The following DENND6A variants were observed in gnomAD, a reference collection of about 807,000 sequenced individuals.
DENND6A encodes protein DENND6A.
Under a neutral mutation model 95.5 loss-of-function variants are expected in DENND6A, and 43 were observed. The observed-to-expected ratio is 0.45, with a 90% CI of 0.35 to 0.58. The LOEUF (loss-of-function observed/expected upper bound fraction) is 0.58. Among genes scored for constraint, DENND6A ranks in the 20% least tolerant of loss-of-function variants. The pLI is 0.00. For missense variants in DENND6A, 574 were observed against 736.0 expected, an observed-to-expected ratio of 0.78 and a Z score of 2.55; for synonymous variants, 257 against 260.4, an observed-to-expected ratio of 0.99 and a Z score of 0.13.
chr3:57,640,903 C>T (rs1416046412), intron 12 of DENND6A, among the ~76,000 whole-genome samples: 1 of 151,944 alleles, frequency 6.6e-6, no homozygotes, highest in Non-Finnish European at 1.5e-5. Flanking sequence ...AATTCATATA[C>T]TTAAACATCT....
In DENND6A at chr3:57,692,993, A is replaced by C; in HGVS notation, c.26T>G (p.Leu9Trp). The stretch of plus-strand genomic sequence containing the variant: ...CAACGGCCTTCGAGAGCCGGGCCCC[A>C]AGCCCGCAGGGCCCCTCAAAGCCAT... The part of the protein sequence containing the change: MALRGPAG[L>W]GPGSRRPLDE... The change falls in exon 1 of 20, where the codon TTG becomes TGG. Residue 9 changes from leucine to tryptophan, a missense_variant. Physicochemically the swap from Leu to Trp is moderately conservative, Grantham distance 61 (BLOSUM62 -2). Coordinates refer to ENST00000311128, the MANE Select transcript of DENND6A (RefSeq NM_152678.3). The C allele has an allele frequency of 4.6e-6, 7 of 1,512,504 alleles. No homozygotes were observed. Among genetic ancestry groups the C allele is most frequent in the Non-Finnish European group, 6.1e-6 (7 of 1,140,618 alleles). 93.7% of individuals were successfully genotyped at this position (1,512,504 alleles called of 1,614,324 possible).
chr3:57,655,943 T>C (rs547160723), intron 9 of DENND6A, among the ~76,000 whole-genome samples: 2 of 152,368 alleles, frequency 1.3e-5, no homozygotes, highest in South Asian at 4.1e-4. Flanking sequence ...TATTCCTTAA[T>C]GAGTCAAGTA....
intron 9 of DENND6A, 90 bp from the exon 10 acceptor site, chr3:57,646,528 G>T: frequency 6.9e-7 from 1 of 1,449,596 alleles, no homozygotes; most frequent in Non-Finnish European, 9.1e-7. Flanking sequence ...ACTCCACATT[G>T]ATATAAATTC....
intron 1 of DENND6A, among the ~76,000 whole-genome samples, chr3:57,685,609 C>G (rs2077204947): frequency 6.6e-6 from 1 of 152,136 alleles, no homozygotes; most frequent in African/African-American, 2.4e-5. Flanking sequence ...AACACACAAC[C>G]TGTATTCCTA....
At chr3:57,630,619 A>C in intron 17 of DENND6A, 96 bp from the exon 18 acceptor site, 1 of 1,524,676 alleles carries the variant, frequency 6.6e-7, no homozygotes, top group Non-Finnish European at 8.8e-7. Flanking sequence ...AAACTTTAGT[A>C]GAATTTTTTA....
At chr3:57,643,589 A>G (rs2070997807) in intron 11 of DENND6A, among the ~76,000 whole-genome samples, 1 of 151,802 alleles carries the variant, frequency 6.6e-6, no homozygotes, top group Non-Finnish European at 1.5e-5. Flanking sequence ...GCACTTTGGG[A>G]GGCTGAGGCG....
intron 15 of DENND6A, among the ~76,000 whole-genome samples, chr3:57,632,849 A>C (rs1217860719): frequency 2.0e-5 from 3 of 152,258 alleles, no homozygotes; most frequent in African/African-American, 7.2e-5. Context: ...CCCTGTTATC[A>C]TAGAGCTACA....
At chr3:57,643,826 C>CAAA (rs1158460000) in intron 11 of DENND6A, among the ~76,000 whole-genome samples, 2 of 94,192 alleles carry the variant, frequency 2.1e-5, no homozygotes, top group African/African-American at 3.9e-5. Flanking sequence ...GACTCTGTCT[C>CAAA]AAAAAAAAAA....
rs1327103479 is a variant in DENND6A, at chr3:57,630,704, A to G, written c.1517+11T>C. 6.2e-7 allele frequency: 1 copy of G among 1,609,168 alleles called. No homozygotes were observed. The highest frequency in any genetic ancestry group is 2.2e-5 in the East Asian group (1 of 44,836). ...CGACACATGGGTGTAAAACAGGGAA[A>G]AAAGACTAACCGGTAAAGTCCAATC... On this transcript the variant is annotated intron_variant, in intron 17 of 19. Coordinates refer to ENST00000311128, the MANE Select transcript of DENND6A (RefSeq NM_152678.3).
intron 12 of DENND6A, among the ~76,000 whole-genome samples, chr3:57,640,944 AT>A (rs2070917311): frequency 6.6e-6 from 1 of 151,940 alleles, no homozygotes; most frequent in Non-Finnish European, 1.5e-5. Context: ...AAGGTACTGT[AT>A]GTCTTTTCCA....
chr3:57,654,792 AG>A, intron 9 of DENND6A: 1 of 984,862 alleles, frequency 1.0e-6, no homozygotes, highest in Non-Finnish European at 1.2e-6. Context: ...ATGCCTTTCT[AG>A]GTCTCTTTAC....
intron 7 of DENND6A, among the ~76,000 whole-genome samples, chr3:57,659,911 C>T (rs1393482124): frequency 9.2e-5 from 14 of 152,204 alleles, no homozygotes; most frequent in Non-Finnish European, 1.5e-5. Flanking sequence ...CTGCATATCA[C>T]TCATCTCTGG....
rs1464662626 is a variant in DENND6A at position 57,626,147 on chromosome 3, CAAAT to C, written c.*2063_*2066del. On this transcript the variant is annotated 3_prime_UTR_variant, in exon 20 of 20. Coordinates refer to ENST00000311128, the MANE Select transcript of DENND6A (RefSeq NM_152678.3). ...ATGATCCAAGGCAAACGATTTCTTTCAAATGCCATATTCTCTCTATGACTTTGAG... is the reference window on the plus strand; with the variant it reads ...ATGATCCAAGGCAAACGATTTCTTTCGCCATATTCTCTCTATGACTTTGAG... 1 of 152,566 alleles carries C rather than the reference CAAAT, an allele frequency of 6.6e-6. No homozygotes were observed. The allele number at this position is 152,566 out of a possible 1,614,324, so 9.5% of individuals were successfully genotyped here. A position where few individuals can be genotyped will look rare whatever the true frequency, so the allele number is the denominator to read the frequency against.
chr3:57,671,127 A>G (rs1419866792), intron 3 of DENND6A, among the ~76,000 whole-genome samples: 2 of 152,210 alleles, frequency 1.3e-5, no homozygotes, highest in Non-Finnish European at 2.9e-5. Context: ...TGGATAGGAA[A>G]AAAATTCTGG....
chr3:57,679,403 T>C (rs1266422256), intron 1 of DENND6A: 1 of 698,222 alleles, frequency 1.4e-6, no homozygotes, highest in East Asian at 1.3e-4. Context: ...CTAAGCCAAA[T>C]CTTCAGCTTC....
At chr3:57,681,621 T>TAAAAA (rs35245886) in intron 1 of DENND6A, among the ~76,000 whole-genome samples, 1 of 119,612 alleles carries the variant, frequency 8.4e-6, no homozygotes, top group Non-Finnish European at 1.7e-5. Context: ...AAGACCCTGT[T>TAAAAA]AAAAAAAAAA....
At chr3:57,644,730 G>T (rs2071033704) in intron 11 of DENND6A, among the ~76,000 whole-genome samples, 1 of 16,798 alleles carries the variant, frequency 6.0e-5, no homozygotes, top group Non-Finnish European at 1.1e-4. Flanking sequence ...GGAGAGGAGG[G>T]GAAGGGAGGG....
At chr3:57,631,335 T>A (rs2070668197) in intron 15 of DENND6A, among the ~76,000 whole-genome samples, 1 of 152,142 alleles carries the variant, frequency 6.6e-6, no homozygotes, top group Non-Finnish European at 1.5e-5. Flanking sequence ...CAGCTGGGAT[T>A]ACAGGCGTGC....
At chr3:57,679,483 T>C (rs1241792596) in intron 1 of DENND6A, 9 of 985,266 alleles carry the variant, frequency 9.1e-6, no homozygotes, top group Non-Finnish European at 1.1e-5. Flanking sequence ...TCACATTTAC[T>C]CACCTTGACT....
Sources: gnomAD v4.1 joint callset for allele counts (sites outside exome capture counted in the v4.1 genomes callset) on GRCh38, gnomAD v4.1.1 for gene constraint, MANE v1.5 for transcripts, NCBI Gene and HGNC (gene_info 2026-07-23, HGNC 2026-07-21) for gene names.